CTSD: variants seen among roughly 807,000 people sequenced by gnomAD.
CTSD encodes ceroid-lipofuscinosis, neuronal 10.
Under a neutral mutation model 43.6 loss-of-function variants are expected in CTSD, and 28 were observed. The observed-to-expected ratio is 0.64, with a 90% CI of 0.48 to 0.88. The LOEUF (loss-of-function observed/expected upper bound fraction) is 0.88. Among genes scored for constraint, CTSD ranks in the 40% least tolerant of loss-of-function variants. CTSD has a pLI of 0.00. For synonymous variants in CTSD, 270 were observed against 249.8 expected (o/e 1.08, Z -0.76); for missense variants, 485 against 555.2 (o/e 0.87, Z 1.27).
intron 4 of CTSD, chr11:1,757,893 G>A (rs764510038): frequency 2.2e-5 from 9 of 407,810 alleles, no homozygotes; most frequent in Middle Eastern, 7.7e-4. Context: ...TGCCCTCAGC[G>A]CTGGGAACAA....
At chr11:1,754,189 G>A (rs1034628151) in intron 6 of CTSD, 51 bp from the exon 7 acceptor site, 3 of 1,582,274 alleles carry the variant, frequency 1.9e-6, no homozygotes, top group African/African-American at 2.7e-5. Context: ...GTGTGCCCTG[G>A]GGGCCCAGTG....
intron 6 of CTSD, chr11:1,754,387 A>T: frequency 2.5e-6 from 1 of 392,400 alleles, no homozygotes; most frequent in Non-Finnish European, 4.5e-6. Flanking sequence ...AGGGGCATAG[A>T]GGGATGGAGG....
chr11:1,755,092 G>A, intron 5 of CTSD, 64 bp from the exon 6 acceptor site: 1 of 1,601,154 alleles, frequency 6.2e-7, no homozygotes. Context: ...GCCAGGTCAG[G>A]AGTAAGAGGG....
rs1323049380 is a variant in CTSD, at chr11:1,754,410, T to TGAAGGGATG, written c.828-281_828-273dup. ...AGAGGGATGGAGGGGATGGAGGGGA[T>TGAAGGGATG]GAAGGGATGGAGGGGCATGGAGGGA... On this transcript the variant is annotated intron_variant, in intron 6 of 8. Transcript: ENST00000236671. Among the ~76,000 whole-genome samples, 3 of 60,288 alleles carry TGAAGGGATG rather than the reference T, an allele frequency of 5.0e-5. No individual in the cohort carries two copies. The East Asian group carries it at 1.5e-3, about 30-fold the overall frequency. The allele number at this position is 60,288 out of a possible 152,430, so 39.6% of individuals were successfully genotyped here.
At chr11:1,754,707 AATAGAGGGG>A (rs1175049521) in intron 6 of CTSD, among the ~76,000 whole-genome samples, 190 bp downstream of exon 6, 1 of 139,030 alleles carries the variant, frequency 7.2e-6, no homozygotes, top group Non-Finnish European at 1.6e-5. Flanking sequence ...GGATAGAGGG[AATAGAGGGG>A]ATGGAGGTGA....
intron 2 of CTSD, among the ~76,000 whole-genome samples, chr11:1,760,174 G>C (rs887455810): frequency 6.6e-6 from 1 of 152,244 alleles, no homozygotes; most frequent in East Asian, 1.9e-4. Flanking sequence ...GGTTCAGCTG[G>C]TCAAGGGGAG....
chr11:1,763,745 CGCCGCGACCCCTGCCCGTCCCTGA>C, intron 1 of CTSD, 23 bp downstream of exon 1: 1 of 1,490,000 alleles, frequency 6.7e-7, no homozygotes, highest in South Asian at 1.2e-5. Context: ...GGGACCTCGG[CGCCGCGACCCCTGCCCGTCCCTGA>C]GCCCCGGCCC....
intron 5 of CTSD, among the ~76,000 whole-genome samples, chr11:1,755,959 T>C (rs1332053649): frequency 6.6e-6 from 1 of 151,724 alleles, no homozygotes; most frequent in African/African-American, 2.4e-5. Flanking sequence ...CCTGCCTGGC[T>C]CCACTTCCTG....
intron 5 of CTSD, among the ~76,000 whole-genome samples, chr11:1,755,696 T>C (rs1324338918): frequency 2.0e-5 from 3 of 152,176 alleles, no homozygotes; most frequent in African/African-American, 7.2e-5. Flanking sequence ...GCTCTCTGTG[T>C]CTGGGGCGGT....
At chr11:1,757,189 C>T in intron 5 of CTSD, 135 bp downstream of exon 5, 1 of 786,644 alleles carries the variant, frequency 1.3e-6, no homozygotes, top group Non-Finnish European at 2.2e-6. Flanking sequence ...CCCGGATGCC[C>T]TGAGGTCAGA....
rs111488297 is a variant in CTSD, at chr11:1,753,470, T to C, written c.*33A>G. 2.4e-5 allele frequency: 38 copies of C among 1,612,492 alleles called. No homozygotes were observed. Among genetic ancestry groups the C allele is most frequent in the Non-Finnish European group, 3.1e-5 (37 of 1,179,674 alleles). On this transcript the variant is annotated 3_prime_UTR_variant, in exon 9 of 9. Transcript: ENST00000236671. ...GGCCTCCTGCTCTGGGACTCTCCTC[T>C]GTTTCTGTGCTGGCGCGCGGACGCC...
chr11:1,755,326 G>A, intron 5 of CTSD: 1 of 458,976 alleles, frequency 2.2e-6, no homozygotes, highest in Non-Finnish European at 4.0e-6. Flanking sequence ...AAGGCTAGCG[G>A]CAGACAAGGA....
Position 1,753,343 on chromosome 11 carries a change from G to A in CTSD, c.*160C>T, listed in dbSNP as rs1845750644. ...TGAACCCAGGGAGGGGAAAACCACA[G>A]AACAAAACAGCAAGTCGGGCTTGGG... On this transcript the variant is annotated 3_prime_UTR_variant, in exon 9 of 9. Transcript: ENST00000236671. 3 of 807,936 alleles carry A rather than the reference G, an allele frequency of 3.7e-6. No individual in the cohort carries two copies. Among genetic ancestry groups the A allele is most frequent in the Non-Finnish European group, 4.2e-6 (2 of 480,008 alleles). 50.0% of individuals were successfully genotyped at this position (807,936 alleles called of 1,614,324 possible).
chr11:1,760,099 G>C (rs1845857131), intron 2 of CTSD, among the ~76,000 whole-genome samples: 1 of 152,220 alleles, frequency 6.6e-6, no homozygotes. Context: ...TCTGATTCTG[G>C]GTGTCTCAGT....
Position 1,759,603 on chromosome 11 carries a change from G to C in CTSD, c.265C>G (p.Pro89Ala). Reference sequence around the variant, plus strand: ...TCGAAGACGACTGTGAAGCACTGGGGGGGCGTCCCGATGCCAATCTCCCCG... The same window carrying C: ...TCGAAGACGACTGTGAAGCACTGGGCGGGCGTCCCGATGCCAATCTCCCCG... ...YYGEIGIGTP[P>A]QCFTVVFDTG... The change falls in exon 3 of 9, where the codon CCC (proline) becomes GCC (alanine). Residue 89 changes from proline (P) to alanine (A), a missense_variant. Physicochemically the swap from Pro to Ala is conservative, Grantham distance 27 (BLOSUM62 -1). Coordinates refer to ENST00000236671, the MANE Select transcript of CTSD (RefSeq NM_001909.5). 1 of 1,613,524 alleles carries C rather than the reference G, an allele frequency of 6.2e-7. No homozygotes were observed. Among genetic ancestry groups the C allele is most frequent in the Non-Finnish European group, 8.5e-7 (1 of 1,179,966 alleles).
rs2133661939 is a variant in CTSD at position 1,757,383 on chromosome 11, G to A, written c.645C>T (p.Phe215=). ...CCAGCTTCTGCTGCATCAGGTTGTC[G>A]AAGACGGGCAGCACGTTGTTGACGG... ...RISVNNVLPV[F]DNLMQQKLVD... is the part of the protein sequence containing the mutation. Residue 215 remains phenylalanine (F), a synonymous_variant, in exon 5 of 9, where the codon TTC becomes TTT. Transcript: ENST00000236671. The A allele has an allele frequency of 1.9e-6, 3 of 1,614,184 alleles. No homozygotes were observed. The highest frequency in any genetic ancestry group is 1.1e-5 in the South Asian group (1 of 91,086).
chr11:1,763,455 A>G, intron 1 of CTSD: 1 of 335,264 alleles, frequency 3.0e-6, no homozygotes, highest in Non-Finnish European at 5.5e-6. Context: ...ACAGACCCCA[A>G]TTCCACCTGC....
rs587780916 is a variant in CTSD at position 1,759,008 on chromosome 11, C to T, written c.432G>A (p.Ser144=). Reference sequence around the variant, plus strand: ...GGCTCAGGTACCCGGAGAGGCTGCCCGAGCCATAGTGGATGTCAAACGAGG... The same window carrying T: ...GGCTCAGGTACCCGGAGAGGCTGCCTGAGCCATAGTGGATGTCAAACGAGG... ...NGTSFDIHYG[S]GSLSGYLSQD... is the part of the protein sequence containing the mutation. The change falls in exon 4 of 9, where the codon TCG becomes TCA. Residue 144 remains serine (S), a synonymous_variant. Coordinates refer to ENST00000236671, the MANE Select transcript of CTSD (RefSeq NM_001909.5). 1.9e-5 allele frequency: 30 copies of T among 1,612,940 alleles called. No homozygotes were observed. The highest frequency in any genetic ancestry group is 2.2e-5 in the South Asian group (2 of 91,070).
At chr11:1,755,971 C>G (rs1845804310) in intron 5 of CTSD, among the ~76,000 whole-genome samples, 3 of 152,080 alleles carry the variant, frequency 2.0e-5, no homozygotes, top group Admixed American at 1.3e-4. Context: ...CACTTCCTGC[C>G]CAAGCTGCTG....
Sources: allele counts gnomAD v4.1 joint callset (sites outside exome capture counted in the v4.1 genomes callset), GRCh38; gene constraint gnomAD v4.1.1; transcripts MANE v1.5; gene names NCBI Gene and HGNC (gene_info 2026-07-23, HGNC 2026-07-21).